Variants in WDFY2 observed in about 807,000 individuals in gnomAD.
WDFY2 encodes the protein WD repeat and FYVE domain containing 2.
A neutral mutation model predicts 56.4 loss-of-function variants in WDFY2; 36 were observed. That is an observed-to-expected ratio of 0.64 (90% CI 0.49 to 0.84). The LOEUF is 0.84. Among genes scored for constraint, WDFY2 ranks in the 40% least tolerant of loss-of-function variants. The probability of loss-of-function intolerance (pLI) is 0.00; values close to 1 mark genes in which losing one functional copy is unlikely to be tolerated. For missense variants in WDFY2, 444 were observed against 512.2 expected, an observed-to-expected ratio of 0.87 and a Z score of 1.29; for synonymous variants, 176 against 183.7, an observed-to-expected ratio of 0.96 and a Z score of 0.34.
intron 1 of WDFY2, among the ~76,000 whole-genome samples, chr13:51,605,630 G>T (rs370734279): frequency 6.6e-6 from 1 of 152,276 alleles, no homozygotes; most frequent in African/African-American, 2.4e-5. Context: ...GAAATGGAAA[G>T]TTTCACATTA....
chr13:51,590,772 A>C (rs1056646067), intron 1 of WDFY2: 1 of 152,014 alleles, frequency 6.6e-6, no homozygotes, highest in African/African-American at 2.4e-5. Flanking sequence ...GAAAAAAAAA[A>C]CAAAAAAAAC....
chr13:51,649,580 C>A (rs571141423), intron 1 of WDFY2, among the ~76,000 whole-genome samples: 12 of 132,256 alleles, frequency 9.1e-5, no homozygotes, highest in Admixed American at 6.2e-4. Context: ...CCCCCCACCC[C>A]CTACCCCACA....
chr13:51,624,258 ATTAT>A (rs1954797453), intron 1 of WDFY2, among the ~76,000 whole-genome samples: 1 of 152,126 alleles, frequency 6.6e-6, no homozygotes, highest in Non-Finnish European at 1.5e-5. Context: ...GTCTTAACTG[ATTAT>A]TTATAGTTAA....
At chr13:51,652,269 C>T (rs1955406126) in intron 1 of WDFY2, among the ~76,000 whole-genome samples, 1 of 152,184 alleles carries the variant, frequency 6.6e-6, no homozygotes, top group Non-Finnish European at 1.5e-5. Context: ...AGATCTTCCT[C>T]CATCCCTTTA....
At chr13:51,603,288 C>T (rs1306297212) in intron 1 of WDFY2, among the ~76,000 whole-genome samples, 1 of 152,180 alleles carries the variant, frequency 6.6e-6, no homozygotes, top group Non-Finnish European at 1.5e-5. Flanking sequence ...CGTTTTTCTT[C>T]CAGAACATCT....
intron 3 of WDFY2, among the ~76,000 whole-genome samples, chr13:51,678,171 G>A (rs1164903921): frequency 1.3e-5 from 2 of 152,070 alleles, no homozygotes; most frequent in African/African-American, 2.4e-5. Context: ...GTCACACACG[G>A]TACTCAGTAG....
chr13:51,602,403 A>G (rs1055503565), intron 1 of WDFY2, among the ~76,000 whole-genome samples: 1 of 152,254 alleles, frequency 6.6e-6, no homozygotes. Flanking sequence ...GCCATACTCT[A>G]TAGCCTAGAT....
intron 1 of WDFY2, among the ~76,000 whole-genome samples, chr13:51,645,350 G>C (rs1362508570): frequency 6.6e-6 from 1 of 152,074 alleles, no homozygotes; most frequent in Non-Finnish European, 1.5e-5. Flanking sequence ...AGTTACTTCA[G>C]TTGTGGCAAA....
chr13:51,610,633 A>G (rs1954483903), intron 1 of WDFY2, among the ~76,000 whole-genome samples: 1 of 152,214 alleles, frequency 6.6e-6, no homozygotes, highest in African/African-American at 2.4e-5. Flanking sequence ...TGAATGTAAC[A>G]TTTACTTGTA....
chr13:51,584,709 A>C lies in WDFY2; in HGVS notation c.22A>C (p.Lys8Gln). The change falls in exon 1 of 12, where the codon AAG (lysine) becomes CAG (glutamine). Residue 8 changes from lysine (K) to glutamine (Q), a missense_variant. Transcript: ENST00000298125. MAAEIQPKPLTRKPILLQ... is the reference protein window; with the variant it reads MAAEIQPQPLTRKPILLQ... ...TCCGATGGCGGCGGAGATCCAGCCC[A>C]AGCCTCTGACCCGCAAGCCGATCCT... 2 of 1,613,182 alleles carry C rather than the reference A, an allele frequency of 1.2e-6. No individual in the cohort carries two copies. Among genetic ancestry groups the C allele is most frequent in the African/African-American group, 1.3e-5 (1 of 75,038 alleles).
At chr13:51,698,394 A>G (rs1951919056) in intron 3 of WDFY2, among the ~76,000 whole-genome samples, 1 of 152,238 alleles carries the variant, frequency 6.6e-6, no homozygotes, top group South Asian at 2.1e-4. Context: ...AATTACTTTT[A>G]TAAATTGAAG....
intron 5 of WDFY2, among the ~76,000 whole-genome samples, chr13:51,723,652 G>A (rs147273330): frequency 1.6e-4 from 25 of 152,060 alleles, no homozygotes; most frequent in Non-Finnish European, 2.8e-4. Context: ...AGAGCATTTG[G>A]TTCTCACCAA....
At chr13:51,691,600 C>T (rs1335978507) in intron 3 of WDFY2, among the ~76,000 whole-genome samples, 3 of 152,002 alleles carry the variant, frequency 2.0e-5, no homozygotes, top group Admixed American at 6.6e-5. Context: ...GTTACTGTAG[C>T]CTTGTAGTAT....
chr13:51,642,233 A>T (rs1265833664), intron 1 of WDFY2, among the ~76,000 whole-genome samples: 1 of 152,056 alleles, frequency 6.6e-6, no homozygotes, highest in African/African-American at 2.4e-5. Context: ...CAATTTATAT[A>T]TTCTTTCTTC....
At chr13:51,676,270 C>T (rs771773491) in intron 3 of WDFY2, among the ~76,000 whole-genome samples, 1 of 152,162 alleles carries the variant, frequency 6.6e-6, no homozygotes, top group Non-Finnish European at 1.5e-5. Context: ...TAGCAGTTTG[C>T]GGTAGACAGG....
chr13:51,609,000 T>A (rs1281077303), intron 1 of WDFY2, among the ~76,000 whole-genome samples: 3 of 152,172 alleles, frequency 2.0e-5, no homozygotes, highest in Non-Finnish European at 4.4e-5. Context: ...AGCAGTGGAA[T>A]TGCTACTTGA....
intron 4 of WDFY2, among the ~76,000 whole-genome samples, chr13:51,704,223 C>T (rs1952041059): frequency 6.6e-6 from 1 of 152,186 alleles, no homozygotes; most frequent in African/African-American, 2.4e-5. Flanking sequence ...CATCCAGCCT[C>T]TACTTTAGTA....
chr13:51,620,884 C>T (rs1009751012), intron 1 of WDFY2, among the ~76,000 whole-genome samples: 1 of 152,132 alleles, frequency 6.6e-6, no homozygotes, highest in Non-Finnish European at 1.5e-5. Context: ...CATCCACTTC[C>T]TCTCTTGCCT....
intron 1 of WDFY2, among the ~76,000 whole-genome samples, chr13:51,642,984 A>T (rs560264311): frequency 6.6e-6 from 1 of 152,314 alleles, no homozygotes; most frequent in African/African-American, 2.4e-5. Flanking sequence ...CCATGTGGCC[A>T]TGTGTCTTTA....
Sources: gnomAD v4.1 joint callset for allele counts (sites outside exome capture counted in the v4.1 genomes callset) on GRCh38, gnomAD v4.1.1 for gene constraint, MANE v1.5 for transcripts, NCBI Gene and HGNC (gene_info 2026-07-23, HGNC 2026-07-21) for gene names.